Variants in MYBPC2 observed in about 807,000 individuals in gnomAD.
MYBPC2 encodes myosin-binding protein C, fast-type.
MYBPC2 carries 122 observed loss-of-function variants against 137.0 expected under a neutral mutation model. That is an observed-to-expected ratio of 0.89 (90% confidence interval 0.77 to 1.03). The LOEUF is 1.03. Ranked by LOEUF, MYBPC2 falls within the 50% of genes least tolerant of loss-of-function variation. MYBPC2 has a pLI of 0.00. For synonymous variants in MYBPC2, 626 were observed against 612.3 expected, an observed-to-expected ratio of 1.02 and a Z score of -0.33; for missense variants, 1,500 against 1,534.4, an observed-to-expected ratio of 0.98 and a Z score of 0.37.
At chr19:50,442,437 G>C in intron 9 of MYBPC2, 124 bp downstream of exon 9, 1 of 1,330,214 alleles carries the variant, frequency 7.5e-7, no homozygotes, top group Non-Finnish European at 1.0e-6. Flanking sequence ...AGTACAGGCC[G>C]GGCACAGTGG....
chr19:50,457,008 G>GAC lies in MYBPC2; in HGVS notation c.2338+1369_2338+1370dup, dbSNP rs562147606. ...CTGGGAGAACAGACGTGATCACCTCGACACACTATCCCAGGTCTTAAAGTC... is the reference window on the plus strand; with the variant it reads ...CTGGGAGAACAGACGTGATCACCTCGACACACACTATCCCAGGTCTTAAAGTC... On this transcript the variant is annotated intron_variant, in intron 20 of 27. Coordinates refer to ENST00000357701, the MANE Select transcript of MYBPC2 (RefSeq NM_004533.4). 1.1e-3 allele frequency among the ~76,000 whole-genome samples: 167 copies of GAC among 152,222 alleles called. 1 individual carries two copies. The highest frequency in any genetic ancestry group is 9.1e-3 in the South Asian group (44 of 4,822).
chr19:50,442,396 C>T, intron 9 of MYBPC2, 83 bp downstream of exon 9: 3 of 1,522,716 alleles, frequency 2.0e-6, no homozygotes, highest in South Asian at 1.2e-5. Context: ...TCACTCTTAA[C>T]CAGAAAGGGC....
At chr19:50,444,171 CATCCATCCATCT>C (rs1210978169) in intron 11 of MYBPC2, among the ~76,000 whole-genome samples, 11 of 149,898 alleles carry the variant, frequency 7.3e-5, no homozygotes, top group African/African-American at 2.5e-4. Context: ...TCCATCCATC[CATCCATCCATCT>C]GCTTAACCAT....
In MYBPC2 at chr19:50,436,057, C is replaced by T; in HGVS notation, c.242C>T (p.Pro81Leu). The change falls in exon 4 of 28, where the codon CCA (proline) becomes CTA (leucine). Residue 81 changes from proline (P) to leucine (L), a missense_variant. Transcript: ENST00000357701. ...VVAKVNGKELPDKPTIKWFKG... is the reference protein window; with the variant it reads ...VVAKVNGKELLDKPTIKWFKG... ...GCCAAGGTGAACGGGAAGGAGCTCC[C>T]AGACAAACCGACCATCAAGTGGTTC... 6.3e-7 allele frequency: 1 copy of T among 1,584,442 alleles called. No homozygotes were observed. The highest frequency in any genetic ancestry group is 1.3e-5 in the African/African-American group (1 of 74,370).
chr19:50,459,609 GT>G (rs1568668776), intron 23 of MYBPC2, among the ~76,000 whole-genome samples: 1 of 73,530 alleles, frequency 1.4e-5, no homozygotes, highest in Non-Finnish European at 2.7e-5. Context: ...GAGATGGGGG[GT>G]AGGAGAGGAG....
Position 50,454,287 on chromosome 19 carries a change from TG to T in MYBPC2, c.1933del (p.Val645CysfsTer31). ...CAGATGTCCCAGACCCCCCGGAGGC[TG>T]TGCGCATCACCTCGGTTGGAGAGGA... is the stretch of plus-strand genomic sequence containing the variant. ...VVDVPDPPEAVRITSVGEDWA... is the reference protein window; with the variant it reads ...VVDVPDPPEAXRITSVGEDWA... On this transcript the variant is annotated frameshift_variant, in exon 18 of 28. Transcript: ENST00000357701. LOFTEE classifies it high-confidence loss of function. The T allele has an allele frequency of 1.9e-6, 3 of 1,613,934 alleles. No individual in the cohort carries two copies. The highest frequency in any genetic ancestry group is 2.5e-6 in the Non-Finnish European group (3 of 1,179,858).
At chr19:50,452,437 T>TATCTATCTA (rs1568664530) in intron 16 of MYBPC2, among the ~76,000 whole-genome samples, 5 of 144,842 alleles carry the variant, frequency 3.5e-5, no homozygotes, top group African/African-American at 1.3e-4. Flanking sequence ...CTATCTAATC[T>TATCTATCTA]ATCTATCTGT....
intron 8 of MYBPC2, among the ~76,000 whole-genome samples, chr19:50,441,880 AAAATAAAAT>A (rs1399280286): frequency 2.7e-5 from 4 of 148,390 alleles, no homozygotes; most frequent in African/African-American, 1.0e-4. Flanking sequence ...AAAATAAAAT[AAAATAAAAT>A]AAATAAATAA....
In MYBPC2 at chr19:50,436,010, A is replaced by G. The variant is rs1226279787; in HGVS notation, c.197-2A>G. 1.9e-6 allele frequency: 3 copies of G among 1,576,778 alleles called. No individual in the cohort carries two copies. The highest frequency in any genetic ancestry group is 2.6e-6 in the Non-Finnish European group (3 of 1,161,040). ...CTCTACCCTGTCACTCACCCCATGT[A>G]GGGAAGGACGCAGTGGTCGTGGCCA... On this transcript the variant is annotated splice_acceptor_variant, in intron 3 of 27. Transcript: ENST00000357701. LOFTEE classifies it high-confidence loss of function.
rs1369044888 is a variant in MYBPC2, at chr19:50,435,579, G to T, written c.110-197G>T. Among the ~76,000 whole-genome samples, 2 of 152,232 alleles carry T rather than the reference G, an allele frequency of 1.3e-5. No homozygotes were observed. The highest frequency in any genetic ancestry group is 2.4e-5 in the African/African-American group (1 of 41,464). On this transcript the variant is annotated intron_variant, in intron 2 of 27. Transcript: ENST00000357701. The surrounding 1 kb of genome is among the most constrained non-coding windows in gnomAD (Gnocchi z 4.8). The stretch of plus-strand genomic sequence containing the variant: ...GAAACCGAGGCCCAAAGGGGTGAGG[G>T]AGCCTGGCCAAGGTCACACAGCCAC...
At chr19:50,462,160 C>A in intron 26 of MYBPC2, 124 bp downstream of exon 26, 1 of 1,332,952 alleles carries the variant, frequency 7.5e-7, no homozygotes, top group Non-Finnish European at 9.8e-7. Flanking sequence ...GGGATTTAGT[C>A]ACTTAAAAAA....
At chr19:50,463,938 C>CAA (rs5828433) in intron 26 of MYBPC2, among the ~76,000 whole-genome samples, 3 of 131,154 alleles carry the variant, frequency 2.3e-5, no homozygotes, top group Non-Finnish European at 4.9e-5. Flanking sequence ...GATTCTGTCT[C>CAA]AAAAAAAAAA....
At position 50,456,597 on chromosome 19, in the gene MYBPC2, A is replaced by ATT. The variant is rs201042875; in HGVS notation, c.2338+964_2338+965dup. 6.5e-3 allele frequency among the ~76,000 whole-genome samples: 953 copies of ATT among 146,828 alleles called. 10 individuals are homozygous for ATT. The highest frequency in any genetic ancestry group is 0.01 in the Non-Finnish European group (693 of 66,136). ...AGATGCCTGCAACCATGCCCAGCTA[A>ATT]TTTTTTTTTTTTGTATTTTTAGTAG... is the stretch of plus-strand genomic sequence containing the variant. On this transcript the variant is annotated intron_variant, in intron 20 of 27. Transcript: ENST00000357701.
At chr19:50,450,506 C>A (rs1420515810) in intron 13 of MYBPC2, among the ~76,000 whole-genome samples, 1 of 152,078 alleles carries the variant, frequency 6.6e-6, no homozygotes, top group Non-Finnish European at 1.5e-5. Context: ...TGGGCTCAAA[C>A]AATTCTCGAT....
rs373913738 is a variant in MYBPC2, at chr19:50,448,298, C to A, written c.1380C>A (p.Cys460Ter). 5.0e-6 allele frequency: 8 copies of A among 1,613,640 alleles called. No homozygotes were observed. Among genetic ancestry groups the A allele is most frequent in the Non-Finnish European group, 6.8e-6 (8 of 1,179,804 alleles). ...CCTCAGAACAAGCTGTGTTCAAGTG[C>A]GAGGTGTCTGATGAGAAAGTGACGG... is the stretch of plus-strand genomic sequence containing the variant. ...VKASEQAVFK[C>*]EVSDEKVTGK... The change falls in exon 13 of 28, where the codon TGC (cysteine) becomes TGA (stop). Residue 460 changes from cysteine to a stop codon, truncating the protein, a stop_gained. Transcript: ENST00000357701. LOFTEE classifies it high-confidence loss of function.
chr19:50,460,046 C>T lies in MYBPC2; in HGVS notation c.2798C>T (p.Ala933Val). Residue 933 changes from alanine to valine, a missense_variant, in exon 24 of 28, where the codon GCT becomes GTT. Transcript: ENST00000357701. ...CACACTTCCCCATTTCCAGAAAAGG[C>T]TGGGCCCCCCATAAACGTGATGGTG... ...ATIRIRVVEKAGPPINVMVKE... is the reference protein window; with the variant it reads ...ATIRIRVVEKVGPPINVMVKE... The T allele has an allele frequency of 4.5e-6, 7 of 1,552,578 alleles. No homozygotes were observed. Among genetic ancestry groups the T allele is most frequent in the African/African-American group, 2.7e-5 (2 of 73,084 alleles).
chr19:50,451,187 C>A, intron 14 of MYBPC2, 93 bp from the exon 15 acceptor site: 2 of 1,485,322 alleles, frequency 1.3e-6, no homozygotes, highest in Non-Finnish European at 1.9e-6. Flanking sequence ...AGGGAGACTG[C>A]CAGACCCTGT....
Position 50,435,810 on chromosome 19 carries a change from G to A in MYBPC2, c.144G>A (p.Glu48=). 1 of 1,611,782 alleles carries A rather than the reference G, an allele frequency of 6.2e-7. No individual in the cohort carries two copies. Among genetic ancestry groups the A allele is most frequent in the Non-Finnish European group, 8.5e-7 (1 of 1,178,906 alleles). Residue 48 remains glutamate, a synonymous_variant, in exon 3 of 28, where the codon GAG becomes GAA. Coordinates refer to ENST00000357701, the MANE Select transcript of MYBPC2 (RefSeq NM_004533.4). This position sits in a 1 kb window ranked among gnomAD's most constrained non-coding sequence, Gnocchi z 4.8. The stretch of plus-strand genomic sequence containing the variant: ...CCGAGGACCAGTCCCCGACTGCAGA[G>A]GAGCCCACCGGCGTTTTCCTGAAGA... ...APPEDQSPTA[E]EPTGVFLKKP...
Position 50,464,440 on chromosome 19 carries a change from G to A in MYBPC2, c.3323G>A (p.Arg1108His), listed in dbSNP as rs375655410. ...CAAGGAGTCCTGACGCTGAACATCCGTCGCCCCTCGCCCTTCGACGCTGGG... is the reference window on the plus strand; with the variant it reads ...CAAGGAGTCCTGACGCTGAACATCCATCGCCCCTCGCCCTTCGACGCTGGG... ...NYQGVLTLNI[R>H]RPSPFDAGTY... Residue 1108 changes from arginine to histidine, a missense_variant, in exon 27 of 28, where the codon CGT becomes CAT. Arg to His is a conservative substitution (Grantham distance 29). Coordinates refer to ENST00000357701, the MANE Select transcript of MYBPC2 (RefSeq NM_004533.4). The A allele has an allele frequency of 1.3e-4, 211 of 1,611,564 alleles. 1 individual carries two copies. Among genetic ancestry groups the A allele is most frequent in the Non-Finnish European group, 1.6e-4 (186 of 1,179,154 alleles).
Sources: gnomAD v4.1 joint callset for allele counts (sites outside exome capture counted in the v4.1 genomes callset) on GRCh38, gnomAD v4.1.1 for gene constraint, Gnocchi (gnomAD v3.1) non-coding constraint, MANE v1.5 for transcripts, NCBI Gene and HGNC (gene_info 2026-07-23, HGNC 2026-07-21) for gene names.